Variants in LPIN2 observed in about 807,000 individuals in gnomAD.
LPIN2 encodes the protein lipin 2.
A neutral mutation model predicts 111.4 loss-of-function variants in LPIN2; 55 were observed. That is an observed-to-expected ratio of 0.49 (90% CI 0.40 to 0.62). LPIN2 has a LOEUF of 0.62. Ranked by LOEUF, LPIN2 falls within the 20% of genes least tolerant of loss-of-function variation. The probability of loss-of-function intolerance (pLI) is 0.00; values close to 1 mark genes in which losing one functional copy is unlikely to be tolerated. For missense variants in LPIN2, 992 were observed against 1,112.1 expected (o/e 0.89, Z 1.54); for synonymous variants, 425 against 414.0 (o/e 1.03, Z -0.32).
intron 1 of LPIN2, among the ~76,000 whole-genome samples, chr18:2,973,865 T>C (rs1169986421): frequency 6.6e-6 from 1 of 152,238 alleles, no homozygotes; most frequent in Non-Finnish European, 1.5e-5. Context: ...CTGGGACCTA[T>C]CACCAGGGCA....
At chr18:2,997,443 T>C (rs28374908) in intron 1 of LPIN2, among the ~76,000 whole-genome samples, 38,703 of 95,638 alleles carry the variant, frequency 0.4, 5,062 homozygotes, top group Non-Finnish European at 0.48. Flanking sequence ...TGTATTTTTC[T>C]AAACATAACA....
chr18:2,990,077 A>ATT (rs1555606901), intron 1 of LPIN2, among the ~76,000 whole-genome samples: 1 of 152,226 alleles, frequency 6.6e-6, no homozygotes, highest in Non-Finnish European at 1.5e-5. Context: ...GCATGGCGGA[A>ATT]GGAATAGTCT....
chr18:2,990,723 G>A, intron 1 of LPIN2: 1 of 325,738 alleles, frequency 3.1e-6, no homozygotes, highest in Non-Finnish European at 6.1e-6. Flanking sequence ...GTAGGAAACA[G>A]AGACAGAATG....
intron 4 of LPIN2, 87 bp downstream of exon 4, chr18:2,950,968 T>G: frequency 7.2e-7 from 1 of 1,397,080 alleles, no homozygotes; most frequent in African/African-American, 1.4e-5. Context: ...AACCTCACAC[T>G]GTGTATCCAT....
At chr18:2,958,142 A>AG (rs2077643565) in intron 2 of LPIN2, among the ~76,000 whole-genome samples, 1 of 55,040 alleles carries the variant, frequency 1.8e-5, no homozygotes, top group African/African-American at 9.7e-5. Flanking sequence ...ACTCCATCTC[A>AG]AAAAAAAAAA....
Position 2,917,332 on chromosome 18 carries a change from G to T in LPIN2, c.*2961C>A, listed in dbSNP as rs2076984540. 6.6e-6 allele frequency: 1 copy of T among 152,162 alleles called. No individual in the cohort carries two copies. The highest frequency in any genetic ancestry group is 2.4e-5 in the African/African-American group (1 of 41,414). 9.4% of individuals were successfully genotyped at this position (152,162 alleles called of 1,614,324 possible). The stretch of plus-strand genomic sequence containing the variant: ...TTTTTAACCAGTTTTATTAAACCCT[G>T]GAAGCTCTACAACACGGGAAAACAT... On this transcript the variant is annotated 3_prime_UTR_variant, in exon 20 of 20. Transcript: ENST00000677752.
chr18:2,952,797 T>A (rs778257330), intron 3 of LPIN2, among the ~76,000 whole-genome samples: 12 of 152,222 alleles, frequency 7.9e-5, no homozygotes, highest in Admixed American at 2.0e-4. Context: ...GAAGATAACC[T>A]GAACGCCTAC....
chr18:2,956,722 A>T (rs2077622137), intron 2 of LPIN2, among the ~76,000 whole-genome samples: 1 of 152,210 alleles, frequency 6.6e-6, no homozygotes, highest in Admixed American at 6.5e-5. Flanking sequence ...GCAAATTCAG[A>T]CTCTAAACTA....
At chr18:3,007,142 G>C (rs1488523212) in intron 1 of LPIN2, among the ~76,000 whole-genome samples, 1 of 152,058 alleles carries the variant, frequency 6.6e-6, no homozygotes, top group Non-Finnish European at 1.5e-5. Flanking sequence ...ATGTCAAATA[G>C]GTACCTATTA....
chr18:2,925,437 G>T lies in LPIN2; in HGVS notation c.1794-69C>A. On this transcript the variant is annotated intron_variant, in intron 13 of 19. Transcript: ENST00000677752. The surrounding 1 kb of genome is among the most constrained non-coding windows in gnomAD (Gnocchi z 4.1). ...TTATTGATGAGAGCTTTTCATTTAG[G>T]ATCAAGAAAATAAAGATATCCTAAA... 1 of 1,597,064 alleles carries T rather than the reference G, an allele frequency of 6.3e-7. No homozygotes were observed. The highest frequency in any genetic ancestry group is 8.6e-7 in the Non-Finnish European group (1 of 1,166,216).
At chr18:2,982,361 A>G (rs2078123824) in intron 1 of LPIN2, among the ~76,000 whole-genome samples, 1 of 152,208 alleles carries the variant, frequency 6.6e-6, no homozygotes. Context: ...TTTTTGAAAC[A>G]TAATTTTTAA....
At position 2,939,567 on chromosome 18, in the gene LPIN2, T is replaced by A; in HGVS notation, c.735A>T (p.Ser245=). 6.2e-7 allele frequency: 1 copy of A among 1,613,942 alleles called. No individual in the cohort carries two copies. The highest frequency in any genetic ancestry group is 8.5e-7 in the Non-Finnish European group (1 of 1,179,912). Residue 245 remains serine (S), a synonymous_variant, in exon 6 of 20, where the codon TCA becomes TCT. Transcript: ENST00000677752. ...YPQTACPKSD[S]ELEVKPAESL... ...TCTCCGCAGGTTTCACCTCCAGCTCTGAATCACTCTTAGGACACGCTGTCT... is the reference window on the plus strand; with the variant it reads ...TCTCCGCAGGTTTCACCTCCAGCTCAGAATCACTCTTAGGACACGCTGTCT...
chr18:2,992,131 G>A (rs916758236), intron 1 of LPIN2, among the ~76,000 whole-genome samples: 10 of 152,066 alleles, frequency 6.6e-5, no homozygotes, highest in African/African-American at 1.9e-4. Context: ...CAGTGTTCAC[G>A]GCAGCATTAT....
chr18:2,956,330 G>GTGTGTGTGTGTT (rs1254612076), intron 2 of LPIN2, among the ~76,000 whole-genome samples: 2 of 148,894 alleles, frequency 1.3e-5, no homozygotes, highest in Non-Finnish European at 2.9e-5. Context: ...GTGTGTGTGT[G>GTGTGTGTGTGTT]TGTGTGTGTG....
At chr18:2,931,212 G>T in intron 9 of LPIN2, 44 bp downstream of exon 9, 3 of 1,596,514 alleles carry the variant, frequency 1.9e-6, no homozygotes, top group Non-Finnish European at 1.7e-6. Context: ...GTGATGACCA[G>T]ATTGCTCTCT....
chr18:2,947,487 T>A (rs548738310), intron 4 of LPIN2, among the ~76,000 whole-genome samples: 1 of 152,298 alleles, frequency 6.6e-6, no homozygotes, highest in East Asian at 1.9e-4. Flanking sequence ...CGTGTATAGT[T>A]TAAAGCTCTC....
At chr18:2,960,164 C>T (rs1784746) in intron 2 of LPIN2, among the ~76,000 whole-genome samples, 12 of 119,916 alleles carry the variant, frequency 1.0e-4, no homozygotes, top group East Asian at 4.8e-4. Context: ...AGCGAGACTC[C>T]GACTCAAAAA....
At chr18:2,996,641 C>T (rs1043842314) in intron 1 of LPIN2, among the ~76,000 whole-genome samples, 3 of 151,510 alleles carry the variant, frequency 2.0e-5, no homozygotes, top group African/African-American at 7.3e-5. Flanking sequence ...TCACGCCTGG[C>T]TAATTTTTTG....
chr18:2,990,663 C>G (rs1238186447), intron 1 of LPIN2: 2 of 247,656 alleles, frequency 8.1e-6, no homozygotes, highest in Non-Finnish European at 1.6e-5. Context: ...ACTACTGCAA[C>G]ACACACCTCA....
Sources: gnomAD v4.1 joint callset for allele counts (sites outside exome capture counted in the v4.1 genomes callset) on GRCh38, gnomAD v4.1.1 for gene constraint, Gnocchi (gnomAD v3.1) non-coding constraint, MANE v1.5 for transcripts, NCBI Gene and HGNC (gene_info 2026-07-23, HGNC 2026-07-21) for gene names.